The following INSL6 variants were observed in gnomAD, a reference collection of about 807,000 sequenced individuals.
INSL6 encodes insulin like 6, also known as insulin-like peptide INSL6.
Under a neutral mutation model 9.4 loss-of-function variants are expected in INSL6, and 16 were observed. The ratio of observed to expected loss-of-function variants is 1.70; its 90% CI spans 1.15 to 2.59. INSL6 has a LOEUF of 2.59. INSL6 is among the 30% of genes most tolerant of loss of function. INSL6 has a pLI of 0.00. For synonymous variants in INSL6, 154 were observed against 96.9 expected (o/e 1.59, Z -3.46); for missense variants, 391 against 257.3 (o/e 1.52, Z -3.56).
chr9:5,183,177 G>T (rs1396918598), intron 1 of INSL6, among the ~76,000 whole-genome samples: 1 of 152,000 alleles, frequency 6.6e-6, no homozygotes, highest in Non-Finnish European at 1.5e-5. Flanking sequence ...TTATTTCCTA[G>T]AAATTAACAG....
chr9:5,050,733 T>C, the INSL6 span: 3 of 1,613,904 alleles, frequency 1.9e-6, no homozygotes, highest in Non-Finnish European at 2.5e-6. Context: ...CTGTGACTCA[T>C]GAAACACAGG....
the INSL6 span, chr9:5,041,143 G>T: frequency 9.3e-7 from 1 of 1,077,286 alleles, no homozygotes; most frequent in Non-Finnish European, 1.4e-6. Context: ...TCGCCATCCG[G>T]CTGATCACGC....
At chr9:5,185,095 G>A (rs1029041926) in intron 1 of INSL6, among the ~76,000 whole-genome samples, 3 of 151,942 alleles carry the variant, frequency 2.0e-5, no homozygotes, top group African/African-American at 7.3e-5. Flanking sequence ...ACATAAATAT[G>A]TAGACTTACA....
At chr9:5,065,093 A>T in the INSL6 span, 1 of 1,244,414 alleles carries the variant, frequency 8.0e-7, no homozygotes, top group Non-Finnish European at 1.1e-6. Context: ...TGCTGTATTT[A>T]CAAAGAAGAT....
intron 3 of INSL6, among the ~76,000 whole-genome samples, chr9:5,133,049 A>AT (rs1366179021): frequency 6.6e-6 from 1 of 152,122 alleles, no homozygotes; most frequent in Non-Finnish European, 1.5e-5. Flanking sequence ...CTAGGGCATG[A>AT]TTTTTTCAGC....
the INSL6 span, chr9:5,072,766 T>C: frequency 2.0e-6 from 1 of 488,024 alleles, no homozygotes; most frequent in East Asian, 3.4e-5. Flanking sequence ...GGATACATTC[T>C]TGTGGGGCTA....
chr9:5,109,912 T>A, the INSL6 span: 1 of 152,190 alleles, frequency 6.6e-6, no homozygotes, highest in African/African-American at 2.4e-5. Context: ...ATAGGAATCA[T>A]GTCTTTCTTA....
chr9:5,112,232 C>T, the INSL6 span: 12 of 266,540 alleles, frequency 4.5e-5, no homozygotes, highest in African/African-American at 2.8e-4. Flanking sequence ...GCACGCAGGC[C>T]TGGTTGGAGG....
chr9:5,158,992 A>C (rs952024874), downstream of INSL6, among the ~76,000 whole-genome samples: 6 of 152,140 alleles, frequency 3.9e-5, no homozygotes, highest in Non-Finnish European at 8.8e-5. Context: ...GTTAATGAGG[A>C]GACAAAGTTA....
the INSL6 span, among the ~76,000 whole-genome samples, chr9:5,072,850 G>A: frequency 5.7e-3 from 865 of 152,250 alleles, 10 homozygotes; most frequent in African/African-American, 0.02. Context: ...CATTATGTTA[G>A]GAGTGTTATT....
the INSL6 span, among the ~76,000 whole-genome samples, chr9:5,014,219 G>C: frequency 2.7e-5 from 4 of 147,712 alleles, no homozygotes; most frequent in Non-Finnish European, 5.9e-5. Flanking sequence ...GCCCAGGCTG[G>C]ACTTGAACTC....
the INSL6 span, among the ~76,000 whole-genome samples, chr9:5,005,620 T>G: frequency 1.2e-4 from 19 of 152,342 alleles, no homozygotes; most frequent in Admixed American, 5.9e-4. Flanking sequence ...CCAGTGTAAT[T>G]TTTTTCCTTT....
intron 2 of INSL6, among the ~76,000 whole-genome samples, chr9:5,140,948 G>C (rs752899824): frequency 6.6e-6 from 1 of 151,948 alleles, no homozygotes; most frequent in Non-Finnish European, 1.5e-5. Context: ...ACTTATAACT[G>C]AGAACATGCG....
chr9:4,994,158 TCTTTA>T, the INSL6 span, among the ~76,000 whole-genome samples: 1 of 152,352 alleles, frequency 6.6e-6, no homozygotes, highest in East Asian at 1.9e-4. Context: ...GTGTTTGGAA[TCTTTA>T]CTTAGAAGTT....
chr9:5,058,041 T>C, the INSL6 span, among the ~76,000 whole-genome samples: 1 of 152,182 alleles, frequency 6.6e-6, no homozygotes, highest in Non-Finnish European at 1.5e-5. Flanking sequence ...TTTTAATATA[T>C]GTATGTATTC....
chr9:4,993,074 G>A, the INSL6 span, among the ~76,000 whole-genome samples: 1 of 152,122 alleles, frequency 6.6e-6, no homozygotes, highest in South Asian at 2.1e-4. Flanking sequence ...TATAGCAACT[G>A]TCCCTTTCAT....
At chr9:5,138,803 T>G (rs1358407017) in intron 2 of INSL6, among the ~76,000 whole-genome samples, 1 of 152,072 alleles carries the variant, frequency 6.6e-6, no homozygotes, top group Non-Finnish European at 1.5e-5. Context: ...TTACAATCTC[T>G]AGAATTTAAA....
At chr9:5,069,442 TG>T in the INSL6 span, among the ~76,000 whole-genome samples, 1 of 152,168 alleles carries the variant, frequency 6.6e-6, no homozygotes, top group African/African-American at 2.4e-5. Context: ...ACATAATGTG[TG>T]GTATGATGTC....
chr9:5,111,515 G>A, the INSL6 span: 20 of 367,880 alleles, frequency 5.4e-5, 1 homozygote, highest in African/African-American at 3.0e-4. Context: ...CTATCCATCC[G>A]CCAAGACGCC....
Sources: allele counts gnomAD v4.1 joint callset (sites outside exome capture counted in the v4.1 genomes callset), GRCh38; gene constraint gnomAD v4.1.1; transcripts MANE v1.5; gene names NCBI Gene and HGNC (gene_info 2026-07-23, HGNC 2026-07-21).